Variants in ITPR2 observed in about 807,000 individuals in gnomAD.
ITPR2 encodes the protein inositol 1,4,5-trisphosphate receptor type 2.
In ITPR2, 207 loss-of-function variants were observed where a neutral mutation model predicts 317.1. The observed-to-expected ratio is 0.65, with a 90% CI of 0.58 to 0.73. The LOEUF is 0.73. Ranked by LOEUF, ITPR2 falls within the 30% of genes least tolerant of loss-of-function variation. ITPR2 has a pLI of 0.00. For synonymous variants in ITPR2, 1,156 were observed against 1,149.1 expected, an observed-to-expected ratio of 1.01 and a Z score of -0.12; for missense variants, 2,613 against 3,284.0, an observed-to-expected ratio of 0.80 and a Z score of 4.99.
Position 26,628,170 on chromosome 12 carries a change from A to G in ITPR2, c.2935-8T>C, listed in dbSNP as rs975561337. 1 of 1,580,348 alleles carries G rather than the reference A, an allele frequency of 6.3e-7. No individual in the cohort carries two copies. Among genetic ancestry groups the G allele is most frequent in the African/African-American group, 1.4e-5 (1 of 73,436 alleles). On this transcript the variant is annotated splice_region_variant and splice_polypyrimidine_tract_variant and intron_variant, in intron 22 of 56. Coordinates refer to ENST00000381340, the MANE Select transcript of ITPR2 (RefSeq NM_002223.4). ...TCTGACACTCAGGATAAACTATAAG[A>G]AACATTAAGAACAACATAAATTTCT...
At chr12:26,699,745 C>T (rs1418706324) in intron 9 of ITPR2, among the ~76,000 whole-genome samples, 1 of 151,946 alleles carries the variant, frequency 6.6e-6, no homozygotes, top group African/African-American at 2.4e-5. Flanking sequence ...CTATTAAAGG[C>T]CAAATAAATA....
chr12:26,503,497 T>TAA (rs1392505556), intron 37 of ITPR2, among the ~76,000 whole-genome samples: 2 of 152,174 alleles, frequency 1.3e-5, no homozygotes, highest in African/African-American at 4.8e-5. Context: ...TATACACACT[T>TAA]TAATACATAA....
chr12:26,495,063 T>C (rs1362605603), intron 38 of ITPR2, 89 bp downstream of exon 38: 5 of 762,166 alleles, frequency 6.6e-6, no homozygotes, highest in Non-Finnish European at 1.2e-5. Context: ...CTTTTATATA[T>C]CTGCCATTTC....
At chr12:26,806,683 G>T (rs1476124739) in intron 1 of ITPR2, among the ~76,000 whole-genome samples, 4 of 152,226 alleles carry the variant, frequency 2.6e-5, no homozygotes, top group African/African-American at 7.2e-5. Context: ...TGGGACTACA[G>T]GCACTTGCCA....
chr12:26,648,774 T>A (rs1490338849), intron 21 of ITPR2: 1 of 152,180 alleles, frequency 6.6e-6, no homozygotes, highest in Non-Finnish European at 1.5e-5. Flanking sequence ...AATCTGGGAT[T>A]TCCTCTCTGG....
Position 26,600,121 on chromosome 12 carries a change from A to C in ITPR2, c.3679-12T>G, listed in dbSNP as rs966836356. ...ATCTTTTCATCATTCTGTAAGTTAA[A>C]GAATAGCACATGATAGAAACAAACA... On this transcript the variant is annotated splice_polypyrimidine_tract_variant and intron_variant, in intron 28 of 56. Transcript: ENST00000381340. The C allele has an allele frequency of 1.9e-6, 3 of 1,603,018 alleles. No homozygotes were observed. The highest frequency in any genetic ancestry group is 2.7e-5 in the African/African-American group (2 of 74,684).
intron 9 of ITPR2, among the ~76,000 whole-genome samples, chr12:26,707,969 T>A (rs192275078): frequency 3.3e-5 from 5 of 151,898 alleles, no homozygotes; most frequent in African/African-American, 1.2e-4. Context: ...AAAGAAGACA[T>A]ACAAATGGCA....
intron 55 of ITPR2, among the ~76,000 whole-genome samples, chr12:26,382,521 A>C (rs1425189556): frequency 6.6e-6 from 1 of 151,976 alleles, no homozygotes; most frequent in Non-Finnish European, 1.5e-5. Flanking sequence ...AAAAATTAGC[A>C]AGGTGTGGTG....
intron 1 of ITPR2, among the ~76,000 whole-genome samples, chr12:26,827,181 A>C (rs993435071): frequency 6.6e-6 from 1 of 152,224 alleles, no homozygotes; most frequent in African/African-American, 2.4e-5. Context: ...GCAATTGTCC[A>C]TAAGTCAATA....
At chr12:26,684,187 T>C (rs1948085417) in intron 11 of ITPR2, among the ~76,000 whole-genome samples, 1 of 152,260 alleles carries the variant, frequency 6.6e-6, no homozygotes, top group Admixed American at 6.5e-5. Context: ...GAGATGTAAT[T>C]TGTACTCAGT....
At chr12:26,613,358 C>T (rs1250902886) in intron 26 of ITPR2, among the ~76,000 whole-genome samples, 1 of 151,972 alleles carries the variant, frequency 6.6e-6, no homozygotes, top group South Asian at 2.1e-4. Flanking sequence ...CAGAAAATGA[C>T]AAAGTGCAGA....
chr12:26,559,219 G>A (rs1482940344), intron 35 of ITPR2, among the ~76,000 whole-genome samples: 3 of 152,178 alleles, frequency 2.0e-5, no homozygotes. Context: ...AACCAGGTCA[G>A]CCTCTCCTCT....
intron 39 of ITPR2, among the ~76,000 whole-genome samples, chr12:26,492,919 G>GTATATA (rs150335068): frequency 6.9e-5 from 10 of 144,398 alleles, no homozygotes; most frequent in Admixed American, 5.2e-4. Flanking sequence ...GTGTGTGTGT[G>GTATATA]TATATATATA....
intron 22 of ITPR2, among the ~76,000 whole-genome samples, chr12:26,628,959 C>G (rs1227507062): frequency 6.6e-6 from 1 of 152,210 alleles, no homozygotes; most frequent in Non-Finnish European, 1.5e-5. Context: ...TAGGTACCAT[C>G]TGTCCCTGTC....
intron 55 of ITPR2, among the ~76,000 whole-genome samples, chr12:26,343,669 C>T (rs1052515695): frequency 6.6e-6 from 1 of 152,232 alleles, no homozygotes; most frequent in Non-Finnish European, 1.5e-5. Context: ...GATGAGGAGG[C>T]TGTGGGTGGC....
At chr12:26,506,163 G>A (rs1018770579) in intron 37 of ITPR2, among the ~76,000 whole-genome samples, 1 of 151,308 alleles carries the variant, frequency 6.6e-6, no homozygotes, top group Non-Finnish European at 1.5e-5. Flanking sequence ...GAGCCCAGGA[G>A]TTCAAGACCA....
At chr12:26,351,129 C>G (rs1107164) in intron 55 of ITPR2, among the ~76,000 whole-genome samples, 27,711 of 152,190 alleles carry the variant, frequency 0.18, 2,657 homozygotes, top group Middle Eastern at 0.24. Flanking sequence ...TGAGTGACCA[C>G]CTCTGATGAG....
rs1451710087 is a variant in ITPR2 at position 26,337,472 on chromosome 12, T to A, written c.*1925A>T. 2 of 152,228 alleles carry A rather than the reference T, an allele frequency of 1.3e-5. No individual in the cohort carries two copies. Among genetic ancestry groups the A allele is most frequent in the Non-Finnish European group, 2.9e-5 (2 of 68,032 alleles). 9.4% of individuals were successfully genotyped at this position (152,228 alleles called of 1,614,324 possible). A position where few individuals can be genotyped will look rare whatever the true frequency, so the allele number is the denominator to read the frequency against. The stretch of plus-strand genomic sequence containing the variant: ...AAGTGTACTTTTTACCTGATACTGT[T>A]AATAGCATTGATGATCCTGGATTTT... On this transcript the variant is annotated 3_prime_UTR_variant, in exon 57 of 57. Transcript: ENST00000381340.
intron 34 of ITPR2, among the ~76,000 whole-genome samples, chr12:26,570,918 C>G (rs1384349423): frequency 6.6e-6 from 1 of 152,174 alleles, no homozygotes; most frequent in Non-Finnish European, 1.5e-5. Context: ...CTGCAGAGCT[C>G]TCCATCCTTA....
Sources: allele counts gnomAD v4.1 joint callset (sites outside exome capture counted in the v4.1 genomes callset), GRCh38; gene constraint gnomAD v4.1.1; transcripts MANE v1.5; gene names NCBI Gene and HGNC (gene_info 2026-07-23, HGNC 2026-07-21).